The following GALNT14 variants were observed in gnomAD, a reference collection of about 807,000 sequenced individuals.
GALNT14 encodes the protein UDP-GalNAc:polypeptide N-acetylgalactosaminyltransferase 14.
Under a neutral mutation model 77.5 loss-of-function variants are expected in GALNT14, and 60 were observed. That is an observed-to-expected ratio of 0.77 (90% CI 0.63 to 0.96). The LOEUF is 0.96. Among genes scored for constraint, GALNT14 ranks in the 40% least tolerant of loss-of-function variants. GALNT14 has a pLI of 0.00. For synonymous variants in GALNT14, 280 were observed against 281.7 expected (o/e 0.99, Z 0.06); for missense variants, 710 against 731.0 (o/e 0.97, Z 0.33).
intron 1 of GALNT14, chr2:31,125,013 G>T: frequency 1.6e-6 from 1 of 628,550 alleles, no homozygotes; most frequent in Non-Finnish European, 2.8e-6. Context: ...AGAGCCTCCT[G>T]CTGGATGCAA....
At chr2:31,077,207 G>A (rs189246294) in intron 1 of GALNT14, among the ~76,000 whole-genome samples, 19 of 152,266 alleles carry the variant, frequency 1.2e-4, no homozygotes, top group African/African-American at 3.1e-4. Flanking sequence ...TAGGATAAAC[G>A]ACAAGCCCAA....
intron 1 of GALNT14, among the ~76,000 whole-genome samples, chr2:31,044,878 G>T (rs1673334232): frequency 6.6e-6 from 1 of 151,782 alleles, no homozygotes; most frequent in Non-Finnish European, 1.5e-5. Context: ...CTGCACCACT[G>T]CACTCCAGCC....
intron 9 of GALNT14, among the ~76,000 whole-genome samples, chr2:30,938,380 ACACACTCT>A (rs1227462489): frequency 6.9e-6 from 1 of 144,350 alleles, no homozygotes; most frequent in African/African-American, 2.9e-5. Context: ...ACACACACAC[ACACACTCT>A]CTCTCTCTCT....
chr2:31,123,190 A>AAC (rs1678509085), intron 1 of GALNT14, among the ~76,000 whole-genome samples: 1 of 151,780 alleles, frequency 6.6e-6, no homozygotes, highest in South Asian at 2.1e-4. Context: ...TCAAAAAAAA[A>AAC]AAAAAAAAAA....
intron 1 of GALNT14, among the ~76,000 whole-genome samples, chr2:31,066,286 A>G (rs1431949634): frequency 1.3e-5 from 2 of 152,100 alleles, no homozygotes; most frequent in East Asian, 1.9e-4. Context: ...AAGAATTCCT[A>G]GCAGCCTCCC....
At chr2:31,116,414 A>G (rs1206009653) in intron 1 of GALNT14, among the ~76,000 whole-genome samples, 1 of 152,150 alleles carries the variant, frequency 6.6e-6, no homozygotes, top group Non-Finnish European at 1.5e-5. Context: ...TTTATAAGAA[A>G]CATTTTATGC....
rs200774382 is a variant in GALNT14, at chr2:31,138,069, A to G, written c.18T>C (p.Arg6=). Residue 6 remains arginine, a synonymous_variant, in exon 1 of 15, where the codon CGT becomes CGC. Transcript: ENST00000349752. ...CCCCGAAGACTGGCAGAACCAGCCG[A>G]CGAGTCAGGCGCCGCATGGTCCCCT... MRRLT[R]RLVLPVFGVL... is the part of the protein sequence containing the mutation. 3.7e-5 allele frequency: 59 copies of G among 1,613,672 alleles called. No individual in the cohort carries two copies. Among genetic ancestry groups the G allele is most frequent in the Middle Eastern group, 3.3e-4 (2 of 6,062 alleles).
chr2:31,029,911 C>A (rs961626502), intron 1 of GALNT14, among the ~76,000 whole-genome samples: 2 of 152,238 alleles, frequency 1.3e-5, no homozygotes, highest in Admixed American at 1.3e-4. Context: ...GAAATACTAC[C>A]TTGGCTGAGT....
chr2:31,111,973 T>G (rs910088815), intron 1 of GALNT14, among the ~76,000 whole-genome samples: 1 of 151,430 alleles, frequency 6.6e-6, no homozygotes, highest in Non-Finnish European at 1.5e-5. Flanking sequence ...GGATGCCTTC[T>G]CCCACTAAAA....
chr2:30,913,363 A>G (rs563738774), intron 13 of GALNT14, among the ~76,000 whole-genome samples: 3 of 152,266 alleles, frequency 2.0e-5, no homozygotes, highest in Non-Finnish European at 4.4e-5. Context: ...CCTCTGGACC[A>G]GGTTACTCAT....
intron 1 of GALNT14, among the ~76,000 whole-genome samples, chr2:31,131,700 T>C (rs1433853501): frequency 1.3e-5 from 2 of 152,154 alleles, no homozygotes; most frequent in African/African-American, 4.8e-5. Flanking sequence ...TAAAATCAGA[T>C]GGCATGAAAA....
At chr2:31,083,652 G>C (rs1221610192) in intron 1 of GALNT14, among the ~76,000 whole-genome samples, 1 of 152,190 alleles carries the variant, frequency 6.6e-6, no homozygotes, top group Non-Finnish European at 1.5e-5. Context: ...ATCTGAGAAA[G>C]TTGATCAGTG....
rs146688225 is a variant in GALNT14, at chr2:31,007,602, G to A, written c.130-14595C>T. ...TTACATCCACAGTGGCCTTCTTTTC[G>A]CTTTTTCAGAATTAGGTGTGCTCTT... On this transcript the variant is annotated intron_variant, in intron 1 of 14. Transcript: ENST00000349752. Among the ~76,000 whole-genome samples, 336 of 152,216 alleles carry A rather than the reference G, an allele frequency of 2.2e-3. 1 individual carries two copies. Among genetic ancestry groups the A allele is most frequent in the African/African-American group, 7.9e-3 (327 of 41,536 alleles).
chr2:30,971,001 C>G (rs1668319470), intron 2 of GALNT14, among the ~76,000 whole-genome samples: 1 of 152,088 alleles, frequency 6.6e-6, no homozygotes, highest in Non-Finnish European at 1.5e-5. Flanking sequence ...GGTGCTCGTC[C>G]CTACAGTCTC....
intron 1 of GALNT14, among the ~76,000 whole-genome samples, chr2:31,002,459 AT>A (rs1252019544): frequency 6.6e-6 from 1 of 151,922 alleles, no homozygotes; most frequent in African/African-American, 2.4e-5. Flanking sequence ...CACTACTGAG[AT>A]TCTAATCCAA....
At chr2:30,892,769 G>A in the GALNT14 span, among the ~76,000 whole-genome samples, 3 of 152,154 alleles carry the variant, frequency 2.0e-5, no homozygotes, top group Admixed American at 1.3e-4. Flanking sequence ...CTGATATCCT[G>A]ACTTCTCCCA....
chr2:31,124,149 C>T (rs1678569134), intron 1 of GALNT14, among the ~76,000 whole-genome samples: 1 of 152,178 alleles, frequency 6.6e-6, no homozygotes, highest in Non-Finnish European at 1.5e-5. Context: ...TGATTTTGCC[C>T]GCTCTGTCTC....
In GALNT14 at chr2:30,920,664, T is replaced by C. The variant is rs201094898; in HGVS notation, c.1380+3455A>G. On this transcript the variant is annotated intron_variant, in intron 13 of 14. Transcript: ENST00000349752. ...ACACACACACACACACACACACACA[T>C]AGGCACACATACTCAGGGAGATTAT... 4.7e-3 allele frequency among the ~76,000 whole-genome samples: 640 copies of C among 135,980 alleles called. 4 individuals carry two copies. The highest frequency in any genetic ancestry group is 0.031 in the East Asian group (142 of 4,632). The allele number at this position is 135,980 out of a possible 152,430, so 89.2% of individuals were successfully genotyped here.
In GALNT14 at chr2:31,044,385, C is replaced by T. The variant is rs1673291703; in HGVS notation, c.130-51378G>A. 2.6e-5 allele frequency among the ~76,000 whole-genome samples: 4 copies of T among 152,152 alleles called. No homozygotes were observed. In the South Asian group the frequency reaches 8.3e-4, roughly 32 times the overall value. On this transcript the variant is annotated intron_variant, in intron 1 of 14. Coordinates refer to ENST00000349752, the MANE Select transcript of GALNT14 (RefSeq NM_024572.4). Reference sequence around the variant, plus strand: ...CAAGTAATGTTTTCCTCTTGGGATTCTCGATTATTATCATTTACTGACACC... The same window carrying T: ...CAAGTAATGTTTTCCTCTTGGGATTTTCGATTATTATCATTTACTGACACC...
Sources: gnomAD v4.1 joint callset for allele counts (sites outside exome capture counted in the v4.1 genomes callset) on GRCh38, gnomAD v4.1.1 for gene constraint, MANE v1.5 for transcripts, NCBI Gene and HGNC (gene_info 2026-07-23, HGNC 2026-07-21) for gene names.